Variants in FBXL14 observed in about 807,000 individuals in gnomAD.
FBXL14 encodes F-box/LRR-repeat protein 14.
A neutral mutation model predicts 24.5 loss-of-function variants in FBXL14; 11 were observed. The observed-to-expected ratio is 0.45, with a 90% confidence interval of 0.28 to 0.74. FBXL14 has a LOEUF of 0.74. FBXL14 is among the 30% of genes least tolerant of loss of function. FBXL14 has a pLI of 0.12. For synonymous variants in FBXL14, 294 were observed against 240.4 expected, an observed-to-expected ratio of 1.22 and a Z score of -2.06; for missense variants, 384 against 545.6, an observed-to-expected ratio of 0.70 and a Z score of 2.95.
At chr12:1,587,106 A>G (rs12321740) in intron 1 of FBXL14, among the ~76,000 whole-genome samples, 5,129 of 152,046 alleles carry the variant, frequency 0.034, 308 homozygotes, top group African/African-American at 0.12. Context: ...GCGTGGTGGC[A>G]CACGCCTGTA....
In FBXL14 at chr12:1,567,049, C is replaced by T. The variant is rs2094437519; in HGVS notation, c.1195-239G>A. Among the ~76,000 whole-genome samples the T allele has an allele frequency of 1.3e-5, 2 of 152,172 alleles. No individual in the cohort carries two copies. The highest frequency in any genetic ancestry group is 2.4e-5 in the African/African-American group (1 of 41,442). On this transcript the variant is annotated intron_variant, in intron 1 of 1. Coordinates refer to ENST00000339235, the MANE Select transcript of FBXL14 (RefSeq NM_152441.3). The surrounding 1 kb of genome is among the most constrained non-coding windows in gnomAD (Gnocchi z 4.8). ...GCTGAGGGGTGCAAGCTCACCAAAA[C>T]TCTGAGGCCTGATTGTAGACTATAG...
At position 1,593,718 on chromosome 12, in the gene FBXL14, C is replaced by G. The variant is rs1349407291; in HGVS notation, c.349G>C (p.Gly117Arg). 4 of 1,614,000 alleles carry G rather than the reference C, an allele frequency of 2.5e-6. No individual in the cohort carries two copies. The highest frequency in any genetic ancestry group is 3.4e-6 in the Non-Finnish European group (4 of 1,180,012). The change falls in exon 1 of 2, where the codon GGC becomes CGC. Residue 117 changes from glycine (G) to arginine (R), a missense_variant. Physicochemically the swap from Gly to Arg is moderately radical, Grantham distance 125 (BLOSUM62 -2). Transcript: ENST00000339235. This position sits in a 1 kb window ranked among gnomAD's most constrained non-coding sequence, Gnocchi z 7.4. Reference protein sequence around the residue: ...GLGHAFVQEIGSLRALNLSLC... With the variant: ...GLGHAFVQEIRSLRALNLSLC... Reference sequence around the variant, plus strand: ...CTCAGGTTGAGAGCGCGCAGGGAGCCGATCTCCTGCACAAACGCGTGGCCC... The same window carrying G: ...CTCAGGTTGAGAGCGCGCAGGGAGCGGATCTCCTGCACAAACGCGTGGCCC...
chr12:1,577,102 C>T (rs545004612), intron 1 of FBXL14, among the ~76,000 whole-genome samples: 100 of 152,320 alleles, frequency 6.6e-4, no homozygotes, highest in Middle Eastern at 3.4e-3. Flanking sequence ...TCATCCTTCC[C>T]GGGAAGAAAC....
At position 1,593,659 on chromosome 12, in the gene FBXL14, G is replaced by A. The variant is rs955923954; in HGVS notation, c.408C>T (p.Gly136=). 3 of 1,614,034 alleles carry A rather than the reference G, an allele frequency of 1.9e-6. No individual in the cohort carries two copies. The highest frequency in any genetic ancestry group is 1.7e-5 in the Admixed American group (1 of 60,012). Reference sequence around the variant, plus strand: ...GGCCCTTGAGGTACTGGGCTATGCGGCCCAGGCTGCTGTCAGTGATCTGCT... The same window carrying A: ...GGCCCTTGAGGTACTGGGCTATGCGACCCAGGCTGCTGTCAGTGATCTGCT... ...LCKQITDSSL[G]RIAQYLKGLE... is the part of the protein sequence containing the mutation. Residue 136 remains glycine, a synonymous_variant, in exon 1 of 2, where the codon GGC becomes GGT. Transcript: ENST00000339235. The surrounding 1 kb of genome is among the most constrained non-coding windows in gnomAD (Gnocchi z 7.4).
At chr12:1,592,811 G>C in intron 1 of FBXL14, 62 bp downstream of exon 1, 1 of 1,370,550 alleles carries the variant, frequency 7.3e-7, no homozygotes, top group Non-Finnish European at 1.0e-6. Flanking sequence ...TGTGGGGGCG[G>C]TGGTAATGGG....
In FBXL14 at chr12:1,593,811, T is replaced by G; in HGVS notation, c.256A>C (p.Ile86Leu). 6.2e-7 allele frequency: 1 copy of G among 1,614,066 alleles called. No individual in the cohort carries two copies. Among genetic ancestry groups the G allele is most frequent in the East Asian group, 2.2e-5 (1 of 44,860 alleles). Residue 86 changes from isoleucine to leucine, a missense_variant, in exon 1 of 2, where the codon ATC becomes CTC. Transcript: ENST00000339235. The surrounding 1 kb of genome is among the most constrained non-coding windows in gnomAD (Gnocchi z 7.4). ...CTCTCGATGTTGGCCATGCCCTGGATCACGTAGCTGAGGCTGCGGCGGAGG... is the reference window on the plus strand; with the variant it reads ...CTCTCGATGTTGGCCATGCCCTGGAGCACGTAGCTGAGGCTGCGGCGGAGG... ...LSLRRSLSYV[I>L]QGMANIESLN...
intron 1 of FBXL14, among the ~76,000 whole-genome samples, chr12:1,573,970 A>C (rs1005654988): frequency 6.6e-6 from 1 of 151,286 alleles, no homozygotes; most frequent in African/African-American, 2.4e-5. Context: ...GCACCATTGC[A>C]CTCCAGCCTG....
At chr12:1,582,300 C>G (rs2154438066) in intron 1 of FBXL14, among the ~76,000 whole-genome samples, 1 of 152,226 alleles carries the variant, frequency 6.6e-6, no homozygotes, top group East Asian at 1.9e-4. Context: ...TTCTTGGAGG[C>G]TATGAATCAA....
intron 1 of FBXL14, among the ~76,000 whole-genome samples, chr12:1,575,564 G>A (rs140716942): frequency 1.3e-5 from 2 of 152,254 alleles, no homozygotes; most frequent in African/African-American, 2.4e-5. Context: ...ACTCCCCCTC[G>A]GAATCTCCTG....
chr12:1,581,735 C>T (rs1170315390), intron 1 of FBXL14, among the ~76,000 whole-genome samples: 1 of 152,208 alleles, frequency 6.6e-6, no homozygotes, highest in Non-Finnish European at 1.5e-5. Flanking sequence ...CCAACATCCT[C>T]ACGCCAGCCC....
chr12:1,580,953 A>AG (rs2094465064), intron 1 of FBXL14, among the ~76,000 whole-genome samples: 1 of 152,144 alleles, frequency 6.6e-6, no homozygotes, highest in Admixed American at 6.6e-5. Flanking sequence ...ACAATGGCAC[A>AG]GGGAGGCTTT....
intron 1 of FBXL14, among the ~76,000 whole-genome samples, chr12:1,585,049 C>T (rs1373641807): frequency 6.6e-6 from 1 of 152,164 alleles, no homozygotes; most frequent in Admixed American, 6.5e-5. Context: ...ATTTTTTTGG[C>T]TCCTCCCTGT....
chr12:1,585,673 C>G (rs2094475123), intron 1 of FBXL14, among the ~76,000 whole-genome samples: 1 of 152,144 alleles, frequency 6.6e-6, no homozygotes, highest in South Asian at 2.1e-4. Context: ...TAGGTCTGAT[C>G]CTTCTGGAGT....
intron 1 of FBXL14, among the ~76,000 whole-genome samples, chr12:1,568,216 C>G (rs2094439454): frequency 6.6e-6 from 1 of 152,190 alleles, no homozygotes; most frequent in South Asian, 2.1e-4. Flanking sequence ...ATGCACCTGA[C>G]TTATCCTCAG....
At chr12:1,588,185 T>G (rs1043248044) in intron 1 of FBXL14, among the ~76,000 whole-genome samples, 3 of 152,224 alleles carry the variant, frequency 2.0e-5, no homozygotes, top group Non-Finnish European at 4.4e-5. Flanking sequence ...TCTTATTCTT[T>G]AGAAACACAG....
intron 1 of FBXL14, among the ~76,000 whole-genome samples, chr12:1,590,519 T>C (rs913264072): frequency 1.3e-5 from 2 of 152,138 alleles, no homozygotes; most frequent in Non-Finnish European, 2.9e-5. Context: ...CTCACACCCA[T>C]AGGTCTCCAC....
intron 1 of FBXL14, among the ~76,000 whole-genome samples, chr12:1,574,132 G>A (rs1437687507): frequency 6.6e-6 from 1 of 152,196 alleles, no homozygotes; most frequent in African/African-American, 2.4e-5. Context: ...CTGTAATGGG[G>A]TTAGGACTTT....
At position 1,593,093 on chromosome 12, in the gene FBXL14, A is replaced by AT; in HGVS notation, c.973dup (p.Met325AsnfsTer29). The AT allele has an allele frequency of 6.2e-7, 1 of 1,613,412 alleles. No individual in the cohort carries two copies. The highest frequency in any genetic ancestry group is 8.5e-7 in the Non-Finnish European group (1 of 1,180,028). Reference sequence around the variant, plus strand: ...GCGCAGCCCGTGCATCTGCCGCACCATGCGGTTGATGCCATCATCACTGAT... The same window carrying AT: ...GCGCAGCCCGTGCATCTGCCGCACCATTGCGGTTGATGCCATCATCACTGAT... On this transcript the variant is annotated frameshift_variant, in exon 1 of 2. Coordinates refer to ENST00000339235, the MANE Select transcript of FBXL14 (RefSeq NM_152441.3). LOFTEE classifies it high-confidence loss of function. The surrounding 1 kb of genome is among the most constrained non-coding windows in gnomAD (Gnocchi z 7.4).
rs951060591 is a variant in FBXL14, at chr12:1,589,862, C to T, written c.1194+3011G>A. ...ATCAATTTGCCGACCTTTAGTCAAG[C>T]GTATATTTAACATTTAACGTAAAAA... On this transcript the variant is annotated intron_variant, in intron 1 of 1. Transcript: ENST00000339235. Among the ~76,000 whole-genome samples, 4 of 152,096 alleles carry T rather than the reference C, an allele frequency of 2.6e-5. No individual in the cohort carries two copies. In the East Asian group the frequency reaches 5.8e-4, roughly 22 times the overall value.
Sources: gnomAD v4.1 joint callset for allele counts (sites outside exome capture counted in the v4.1 genomes callset) on GRCh38, gnomAD v4.1.1 for gene constraint, Gnocchi (gnomAD v3.1) non-coding constraint, MANE v1.5 for transcripts, NCBI Gene and HGNC (gene_info 2026-07-23, HGNC 2026-07-21) for gene names.